The following ERC2 variants were observed in gnomAD, a reference collection of about 807,000 sequenced individuals.
The protein encoded by ERC2 is ELKS/RAB6-interacting/CAST family member 2, also known as ERC protein 2.
Under a neutral mutation model 114.8 loss-of-function variants are expected in ERC2, and 42 were observed. The observed-to-expected ratio is 0.37, with a 90% CI of 0.29 to 0.47. The LOEUF is 0.47. Among genes scored for constraint, ERC2 ranks in the 20% least tolerant of loss-of-function variants. ERC2 has a pLI of 0.99. For missense variants in ERC2, 939 were observed against 1,150.7 expected (o/e 0.82, Z 2.66); for synonymous variants, 454 against 425.5 (o/e 1.07, Z -0.82).
intron 14 of ERC2, among the ~76,000 whole-genome samples, chr3:55,858,306 A>T (rs1372136011): frequency 6.6e-6 from 1 of 152,222 alleles, no homozygotes; most frequent in Non-Finnish European, 1.5e-5. Flanking sequence ...TTTATATATT[A>T]CATGTCTTTG....
chr3:55,801,761 AAG>A (rs1249233319), intron 14 of ERC2, among the ~76,000 whole-genome samples: 1 of 152,236 alleles, frequency 6.6e-6, no homozygotes. Context: ...AGAAATTATT[AAG>A]AATTCCAAGA....
chr3:56,206,609 G>C (rs1257181494), intron 3 of ERC2, among the ~76,000 whole-genome samples: 2 of 152,138 alleles, frequency 1.3e-5, no homozygotes, highest in Non-Finnish European at 2.9e-5. Flanking sequence ...ATAAATATAG[G>C]TATGAGGGTA....
intron 17 of ERC2, among the ~76,000 whole-genome samples, chr3:55,573,305 G>T (rs1307385446): frequency 6.6e-6 from 1 of 152,154 alleles, no homozygotes; most frequent in East Asian, 1.9e-4. Context: ...TGTTTTACGG[G>T]GTTATTTGAG....
chr3:56,115,156 G>A (rs2079157399), intron 6 of ERC2, among the ~76,000 whole-genome samples: 1 of 152,112 alleles, frequency 6.6e-6, no homozygotes, highest in Admixed American at 6.5e-5. Context: ...TCTCCCCTTT[G>A]GCCAGCTCCA....
chr3:56,434,714 C>T lies in ERC2; in HGVS notation c.294G>A (p.Met98Ile). The change falls in exon 2 of 18, where the codon ATG (methionine) becomes ATA (isoleucine). Residue 98 changes from methionine to isoleucine, a missense_variant. Transcript: ENST00000288221. ...CAGAAGCAATATTGGGACTACTCCCCATGGCTGTGACACGGCCTCCATATA... is the reference window on the plus strand; with the variant it reads ...CAGAAGCAATATTGGGACTACTCCCTATGGCTGTGACACGGCCTCCATATA... The part of the protein sequence containing the change: ...RAVYGGRVTA[M>I]GSSPNIASAG... The T allele has an allele frequency of 6.2e-7, 1 of 1,613,976 alleles. No individual in the cohort carries two copies. Among genetic ancestry groups the T allele is most frequent in the Non-Finnish European group, 8.5e-7 (1 of 1,179,872 alleles).
At chr3:55,606,673 T>A (rs2058656233) in intron 17 of ERC2, 1 of 152,218 alleles carries the variant, frequency 6.6e-6, no homozygotes, top group African/African-American at 2.4e-5. Context: ...AAATGTAAAG[T>A]ACATGTGAGC....
At chr3:55,982,933 A>G (rs1263610320) in intron 12 of ERC2, among the ~76,000 whole-genome samples, 1 of 152,206 alleles carries the variant, frequency 6.6e-6, no homozygotes, top group Non-Finnish European at 1.5e-5. Flanking sequence ...TTTTGGTACA[A>G]GTGTTTGAAG....
intron 14 of ERC2, among the ~76,000 whole-genome samples, chr3:55,751,827 C>G (rs1337542456): frequency 1.3e-5 from 2 of 152,128 alleles, no homozygotes; most frequent in Admixed American, 6.6e-5. Context: ...ATAATTCTAA[C>G]AATGGAGGAA....
intron 14 of ERC2, among the ~76,000 whole-genome samples, chr3:55,828,640 G>T (rs1383973387): frequency 1.3e-5 from 2 of 152,148 alleles, no homozygotes; most frequent in African/African-American, 4.8e-5. Flanking sequence ...GTATGAGCTT[G>T]CAAAATGATC....
At chr3:55,710,340 T>C (rs1249757762) in intron 15 of ERC2, among the ~76,000 whole-genome samples, 1 of 152,210 alleles carries the variant, frequency 6.6e-6, no homozygotes, top group African/African-American at 2.4e-5. Context: ...CTACCTCTTC[T>C]CCTGCGATAA....
intron 5 of ERC2, among the ~76,000 whole-genome samples, chr3:56,147,418 T>C (rs771213520): frequency 4.6e-5 from 7 of 152,206 alleles, no homozygotes; most frequent in Non-Finnish European, 8.8e-5. Flanking sequence ...GATGGAAAGT[T>C]GACAGAAGTA....
chr3:56,243,787 A>C (rs144158555), intron 3 of ERC2, among the ~76,000 whole-genome samples: 1 of 152,334 alleles, frequency 6.6e-6, no homozygotes, highest in African/African-American at 2.4e-5. Context: ...ATTGTCATAC[A>C]GTCACCAAAT....
chr3:56,222,053 G>A (rs1356995049), intron 3 of ERC2, among the ~76,000 whole-genome samples: 3 of 152,182 alleles, frequency 2.0e-5, no homozygotes, highest in Non-Finnish European at 4.4e-5. Context: ...AGTGTAAGAA[G>A]AGATACCATT....
intron 13 of ERC2, among the ~76,000 whole-genome samples, chr3:55,921,204 C>T (rs547121137): frequency 6.6e-6 from 1 of 152,178 alleles, no homozygotes; most frequent in South Asian, 2.1e-4. Flanking sequence ...CTTAATTACC[C>T]ACCAACATGA....
Position 55,929,072 on chromosome 3 carries a change from C to G in ERC2, c.2403+21353G>C, listed in dbSNP as rs1248699251. Among the ~76,000 whole-genome samples, 3 of 152,090 alleles carry G rather than the reference C, an allele frequency of 2.0e-5. No individual in the cohort carries two copies. In the East Asian group the frequency reaches 5.8e-4, roughly 29 times the overall value. ...CTTTGGTGGGGAGTACTCCCCATCT[C>G]CTTGACCAAGATCCCTCTTCCTCAG... On this transcript the variant is annotated intron_variant, in intron 13 of 17. Coordinates refer to ENST00000288221, the MANE Select transcript of ERC2 (RefSeq NM_015576.3).
intron 17 of ERC2, among the ~76,000 whole-genome samples, chr3:55,515,713 G>A (rs2052448678): frequency 6.6e-6 from 1 of 151,764 alleles, no homozygotes; most frequent in South Asian, 2.1e-4. Context: ...GAGGGGCGGG[G>A]TGGGTGACTG....
intron 14 of ERC2, among the ~76,000 whole-genome samples, chr3:55,814,351 A>T (rs1394486814): frequency 1.3e-5 from 2 of 152,222 alleles, no homozygotes; most frequent in African/African-American, 4.8e-5. Context: ...GCAGGTAAGA[A>T]AACCAAGACG....
At chr3:56,029,533 T>C (rs1419893887) in intron 7 of ERC2, among the ~76,000 whole-genome samples, 1 of 152,124 alleles carries the variant, frequency 6.6e-6, no homozygotes, top group African/African-American at 2.4e-5. Flanking sequence ...CAGTCATCTA[T>C]TTCATGTTGG....
At chr3:56,263,730 AT>A (rs1319133680) in intron 3 of ERC2, among the ~76,000 whole-genome samples, 6 of 152,332 alleles carry the variant, frequency 3.9e-5, no homozygotes, top group Middle Eastern at 3.4e-3. Flanking sequence ...TCTACCAAAC[AT>A]TAAAAAAAGA....
Sources: allele counts gnomAD v4.1 joint callset (sites outside exome capture counted in the v4.1 genomes callset), GRCh38; gene constraint gnomAD v4.1.1; transcripts MANE v1.5; gene names NCBI Gene and HGNC (gene_info 2026-07-23, HGNC 2026-07-21).